USP20: variants seen among roughly 807,000 people sequenced by gnomAD.
USP20 encodes the protein ubiquitin carboxyl-terminal hydrolase 20.
In USP20, 80 loss-of-function variants were observed where a neutral mutation model predicts 124.2. The ratio of observed to expected loss-of-function variants is 0.64; its 90% CI spans 0.54 to 0.78. USP20 has a LOEUF of 0.78. Among genes scored for constraint, USP20 ranks in the 30% least tolerant of loss-of-function variants. The pLI, the probability that USP20 is intolerant of heterozygous loss-of-function variation, is 0.00. For missense variants in USP20, 1,043 were observed against 1,244.4 expected, an observed-to-expected ratio of 0.84 and a Z score of 2.44; for synonymous variants, 481 against 512.3, an observed-to-expected ratio of 0.94 and a Z score of 0.83.
intron 1 of USP20, among the ~76,000 whole-genome samples, chr9:129,843,128 T>C (rs1239571208): frequency 6.6e-6 from 1 of 151,880 alleles, no homozygotes; most frequent in Non-Finnish European, 1.5e-5. Flanking sequence ...TTTTTTTTTT[T>C]TTTTTTGGTC....
At chr9:129,867,603 T>A (rs1027786015) in intron 10 of USP20, among the ~76,000 whole-genome samples, 1 of 152,126 alleles carries the variant, frequency 6.6e-6, no homozygotes, top group Non-Finnish European at 1.5e-5. Flanking sequence ...GCCACCCCCC[T>A]GCCCACCTCC....
chr9:129,880,365 T>A, intron 25 of USP20, 76 bp downstream of exon 25: 1 of 1,455,832 alleles, frequency 6.9e-7, no homozygotes, highest in African/African-American at 1.4e-5. Context: ...ACATGTCCTT[T>A]TGAACATCCA....
intron 3 of USP20, 129 bp downstream of exon 3, chr9:129,852,765 G>A (rs1445408163): frequency 3.1e-6 from 3 of 964,976 alleles, no homozygotes; most frequent in Non-Finnish European, 4.6e-6. Context: ...TGTGTAAATG[G>A]AAATGCTGGC....
chr9:129,873,384 A>C, intron 15 of USP20, 98 bp from the exon 16 acceptor site: 2 of 1,485,038 alleles, frequency 1.3e-6, no homozygotes, highest in Non-Finnish European at 1.9e-6. Flanking sequence ...ATGCCCAGCC[A>C]GGTTTTATTT....
At chr9:129,847,267 C>T (rs4302946) in intron 1 of USP20, among the ~76,000 whole-genome samples, 21,610 of 151,142 alleles carry the variant, frequency 0.14, 2,032 homozygotes, top group African/African-American at 0.25. Context: ...CACAGGGCTC[C>T]AATTTATCCA....
chr9:129,840,141 C>A (rs1268489741), intron 1 of USP20, among the ~76,000 whole-genome samples: 1 of 152,262 alleles, frequency 6.6e-6, no homozygotes, highest in African/African-American at 2.4e-5. Flanking sequence ...AGGTCCTACT[C>A]TGCGTGGCTG....
chr9:129,878,214 T>G (rs1358828103), intron 22 of USP20, 124 bp from the exon 23 acceptor site: 1 of 741,066 alleles, frequency 1.3e-6, no homozygotes, highest in Non-Finnish European at 2.3e-6. Flanking sequence ...TCACCTTGAG[T>G]ATCTGGTGTT....
chr9:129,852,550 G>A lies in USP20; in HGVS notation c.-6G>A. On this transcript the variant is annotated 5_prime_UTR_variant, in exon 3 of 26. Transcript: ENST00000372429. ...TGTGTCTTCTCATAGGTGAGCCCAG[G>A]CCAGGATGGGGGACTCCAGGGACCT... The A allele has an allele frequency of 1.3e-6, 2 of 1,591,362 alleles. No individual in the cohort carries two copies. The highest frequency in any genetic ancestry group is 1.7e-6 in the Non-Finnish European group (2 of 1,167,844).
chr9:129,849,001 C>T (rs1206475113), intron 1 of USP20, among the ~76,000 whole-genome samples: 1 of 152,156 alleles, frequency 6.6e-6, no homozygotes, highest in African/African-American at 2.4e-5. Context: ...TGTGGATGAG[C>T]CCGGTTGTGC....
Position 129,852,634 on chromosome 9 carries a change from A to C in USP20, c.79A>C (p.Lys27Gln), listed in dbSNP as rs777515945. The C allele has an allele frequency of 1.9e-6, 3 of 1,587,742 alleles. No individual in the cohort carries two copies. Among genetic ancestry groups the C allele is most frequent in the Non-Finnish European group, 2.6e-6 (3 of 1,165,660 alleles). Residue 27 changes from lysine (K) to glutamine (Q), a missense_variant and splice_region_variant, in exon 3 of 26, where the codon AAG (lysine) becomes CAG (glutamine). Lys to Gln is a moderately conservative substitution (Grantham distance 53, BLOSUM62 1). Coordinates refer to ENST00000372429, the MANE Select transcript of USP20 (RefSeq NM_001110303.4). Reference protein sequence around the residue: ...VTKEDLLLKSKGTCQSCGVTG... With the variant: ...VTKEDLLLKSQGTCQSCGVTG... ...CAAAGAGGACTTGCTGCTCAAATCT[A>C]AGGTAAAGGGTCAGACCTTACGGGG...
At position 129,880,596 on chromosome 9, in the gene USP20, A is replaced by G. The variant is rs2034601165; in HGVS notation, c.*146A>G. On this transcript the variant is annotated 3_prime_UTR_variant, in exon 26 of 26. Coordinates refer to ENST00000372429, the MANE Select transcript of USP20 (RefSeq NM_001110303.4). The stretch of plus-strand genomic sequence containing the variant: ...CAGTAACGCTGCAACTAGAAAATAT[A>G]TGCACTTCAGGCTTGTTGAAACGAC... The G allele has an allele frequency of 9.3e-6, 3 of 322,574 alleles. No homozygotes were observed. Among genetic ancestry groups the G allele is most frequent in the Non-Finnish European group, 1.8e-5 (3 of 167,852 alleles). 20.0% of individuals were successfully genotyped at this position (322,574 alleles called of 1,614,324 possible). A position where few individuals can be genotyped will look rare whatever the true frequency, so the allele number is the denominator to read the frequency against.
chr9:129,874,350 AC>A (rs551018300), intron 17 of USP20, among the ~76,000 whole-genome samples: 31 of 152,128 alleles, frequency 2.0e-4, no homozygotes, highest in Middle Eastern at 6.8e-3. Flanking sequence ...GAACTGGTAA[AC>A]TTGATGGCTC....
rs374451475 is a variant in USP20 at position 129,867,861 on chromosome 9, G to T, written c.691-144G>T. On this transcript the variant is annotated intron_variant, in intron 10 of 25. Coordinates refer to ENST00000372429, the MANE Select transcript of USP20 (RefSeq NM_001110303.4). The stretch of plus-strand genomic sequence containing the variant: ...TTAGGACAGACTGCCATGGGAGGCC[G>T]CTGTGGGGGTGAGCAACTCTTCTGC... 4 of 978,632 alleles carry T rather than the reference G, an allele frequency of 4.1e-6. No individual in the cohort carries two copies. In the South Asian group the frequency reaches 5.1e-5, roughly 12 times the overall value. 60.6% of individuals were successfully genotyped at this position (978,632 alleles called of 1,614,324 possible).
intron 10 of USP20, 27 bp from the exon 11 acceptor site, chr9:129,867,978 C>G: frequency 3.8e-6 from 6 of 1,595,060 alleles, no homozygotes; most frequent in Non-Finnish European, 4.3e-6. Context: ...TCCAGGGGAG[C>G]CCTGTTGATG....
intron 1 of USP20, among the ~76,000 whole-genome samples, chr9:129,843,826 G>A (rs1177112879): frequency 2.0e-5 from 3 of 152,202 alleles, no homozygotes; most frequent in Admixed American, 2.0e-4. Context: ...TACTTTGGGA[G>A]TCCAAGGCAG....
chr9:129,869,164 A>G, intron 12 of USP20, 146 bp from the exon 13 acceptor site: 1 of 1,313,934 alleles, frequency 7.6e-7, no homozygotes, highest in South Asian at 1.3e-5. Flanking sequence ...GCAGAGGATG[A>G]CACAGAGGCA....
intron 15 of USP20, among the ~76,000 whole-genome samples, chr9:129,871,179 A>C (rs1392746628): frequency 6.6e-6 from 1 of 151,040 alleles, no homozygotes; most frequent in Non-Finnish European, 1.5e-5. Flanking sequence ...ACAGCTCCCT[A>C]CTCCCACCTC....
In USP20 at chr9:129,869,353, C is replaced by T. The variant is rs772701746; in HGVS notation, c.1320C>T (p.Arg440=). 1 of 1,613,738 alleles carries T rather than the reference C, an allele frequency of 6.2e-7. No homozygotes were observed. The change falls in exon 13 of 26, where the codon CGC becomes CGT. Residue 440 remains arginine (R), a synonymous_variant. Transcript: ENST00000372429. ...GCAGCCGGAGGCGGAAGGAGCAGCG[C>T]TACCGCAGCGTCATCTCAGACATCT... ...SAGSRRRKEQ[R]YRSVISDIFD...
chr9:129,869,211 C>T (rs1301209687), intron 12 of USP20, 99 bp from the exon 13 acceptor site: 34 of 1,345,432 alleles, frequency 2.5e-5, no homozygotes, highest in Non-Finnish European at 3.2e-5. Context: ...ATGTGACTCA[C>T]GGATGTCACT....
Sources: gnomAD v4.1 joint callset for allele counts (sites outside exome capture counted in the v4.1 genomes callset) on GRCh38, gnomAD v4.1.1 for gene constraint, MANE v1.5 for transcripts, NCBI Gene and HGNC (gene_info 2026-07-23, HGNC 2026-07-21) for gene names.